Variants in ACVR1B observed in about 807,000 individuals in gnomAD.
The protein encoded by ACVR1B is activin receptor type-1B.
Under a neutral mutation model 55.6 loss-of-function variants are expected in ACVR1B, and 15 were observed. That is an observed-to-expected ratio of 0.27 (90% confidence interval 0.18 to 0.42). The LOEUF (loss-of-function observed/expected upper bound fraction) is 0.42. ACVR1B is among the 10% of genes least tolerant of loss of function. The pLI is 1.00. For synonymous variants in ACVR1B, 247 were observed against 254.6 expected (o/e 0.97, Z 0.28); for missense variants, 359 against 670.1 (o/e 0.54, Z 5.13).
Position 51,976,444 on chromosome 12 carries a change from A to G in ACVR1B, c.449A>G (p.Asn150Ser). Residue 150 changes from asparagine to serine, a missense_variant, in exon 3 of 9, where the codon AAC (asparagine) becomes AGC (serine). Asn to Ser is a conservative substitution (Grantham distance 46). Transcript: ENST00000257963. ...ATCATCATTGTTTTCCTTGTCATTA[A>G]CTATCATCAGCGTGTCTATCACAAC... ...LIIIIVFLVI[N>S]YHQRVYHNRQ... is the part of the protein sequence containing the mutation. 6.2e-7 allele frequency: 1 copy of G among 1,614,092 alleles called. No homozygotes were observed. Among genetic ancestry groups the G allele is most frequent in the Non-Finnish European group, 8.5e-7 (1 of 1,180,018 alleles).
At chr12:51,970,238 CAGAA>C (rs1157472513) in intron 1 of ACVR1B, among the ~76,000 whole-genome samples, 1 of 152,148 alleles carries the variant, frequency 6.6e-6, no homozygotes, top group East Asian at 1.9e-4. Flanking sequence ...CAAGTGTTGT[CAGAA>C]AGAGCGTGGT....
At chr12:51,965,250 C>T (rs1453311767) in intron 1 of ACVR1B, among the ~76,000 whole-genome samples, 1 of 151,968 alleles carries the variant, frequency 6.6e-6, no homozygotes, top group Non-Finnish European at 1.5e-5. Context: ...GGGCTCTCAA[C>T]CTCTACATTA....
intron 1 of ACVR1B, among the ~76,000 whole-genome samples, chr12:51,968,509 T>A (rs1184317996): frequency 1.3e-5 from 2 of 152,180 alleles, no homozygotes; most frequent in East Asian, 3.9e-4. Context: ...CCATCCCACA[T>A]GTTTTTCTTA....
chr12:51,955,923 C>T lies in ACVR1B; in HGVS notation c.91+4089C>T, dbSNP rs1464976462. Among the ~76,000 whole-genome samples, 4 of 152,212 alleles carry T rather than the reference C, an allele frequency of 2.6e-5. No individual in the cohort carries two copies. The East Asian group carries it at 7.7e-4, about 29-fold the overall frequency. On this transcript the variant is annotated intron_variant, in intron 1 of 8. Transcript: ENST00000257963. ...CTGCCTCATGGCCAGGTTCAGATAC[C>T]TGCTCTGAGTTTCTGTTCTCAGTTT...
chr12:51,993,765 T>TAAAAAAAAAAAAAAAAAA (rs869161100), intron 8 of ACVR1B, among the ~76,000 whole-genome samples: 2 of 29,768 alleles, frequency 6.7e-5, no homozygotes, highest in Non-Finnish European at 6.5e-5. Context: ...AGACTCCTTC[T>TAAAAAAAAAAAAAAAAAA]AAAAAAAAAA....
At chr12:51,993,853 C>T (rs567377483) in intron 8 of ACVR1B, 132 bp from the exon 9 acceptor site, 9 of 997,392 alleles carry the variant, frequency 9.0e-6, no homozygotes, top group Admixed American at 7.0e-5. Context: ...TCCCTAAGGT[C>T]GGCCGCCGGG....
intron 1 of ACVR1B, among the ~76,000 whole-genome samples, chr12:51,959,132 G>A (rs186006006): frequency 1.3e-3 from 200 of 152,266 alleles, no homozygotes; most frequent in African/African-American, 4.6e-3. Context: ...CCCATGTTTG[G>A]TGTACACACA....
intron 3 of ACVR1B, among the ~76,000 whole-genome samples, chr12:51,977,556 A>AT (rs1364336462): frequency 4.0e-5 from 6 of 149,380 alleles, no homozygotes; most frequent in Non-Finnish European, 7.4e-5. Context: ...CTCGTAAAGA[A>AT]TTTTTTTAAT....
chr12:51,960,262 A>G (rs1941493228), intron 1 of ACVR1B: 1 of 152,198 alleles, frequency 6.6e-6, no homozygotes, highest in Admixed American at 6.5e-5. Context: ...TCTACAAAAC[A>G]TTTTTAAAAA....
Position 51,967,100 on chromosome 12 carries a change from C to T in ACVR1B, c.92-8165C>T, listed in dbSNP as rs372142844. On this transcript the variant is annotated intron_variant, in intron 1 of 8. Coordinates refer to ENST00000257963, the MANE Select transcript of ACVR1B (RefSeq NM_004302.5). The stretch of plus-strand genomic sequence containing the variant: ...CTACAAATACAAAAAATTAGCCGGA[C>T]GTGGTGGCAGGCGCCTGTAGTCCCA... 8.6e-4 allele frequency among the ~76,000 whole-genome samples: 129 copies of T among 150,646 alleles called. 1 individual carries two copies. In the South Asian group the frequency reaches 0.026, roughly 31 times the overall value.
rs1941625360 is a variant in ACVR1B, at chr12:51,965,664, G to A, written c.92-9601G>A. Among the ~76,000 whole-genome samples the A allele has an allele frequency of 4.6e-5, 7 of 152,118 alleles. No individual in the cohort carries two copies. In the South Asian group the frequency reaches 1.5e-3, roughly 32 times the overall value. Reference sequence around the variant, plus strand: ...AGCGAGGTCCTTTCCTTATATGGATGGTATAGTTGGGCTAGGATAGGTATG... The same window carrying A: ...AGCGAGGTCCTTTCCTTATATGGATAGTATAGTTGGGCTAGGATAGGTATG... On this transcript the variant is annotated intron_variant, in intron 1 of 8. Transcript: ENST00000257963.
rs71092738 is a variant in ACVR1B, at chr12:51,990,312, C to CTTTTTTTTT, written c.1262-1537_1262-1529dup. Reference sequence around the variant, plus strand: ...CACACACACACACACAAATTTAGTGCTTTTTTTTTTTTTTTTTTTTTTGAG... The same window carrying CTTTTTTTTT: ...CACACACACACACACAAATTTAGTGCTTTTTTTTTTTTTTTTTTTTTTTTTTTTTTTGAG... On this transcript the variant is annotated intron_variant, in intron 7 of 8. Transcript: ENST00000257963. Among the ~76,000 whole-genome samples the CTTTTTTTTT allele has an allele frequency of 9.2e-4, 82 of 89,582 alleles. 4 individuals carry two copies. Among genetic ancestry groups the CTTTTTTTTT allele is most frequent in the Non-Finnish European group, 1.2e-3 (60 of 51,222 alleles). The allele number at this position is 89,582 out of a possible 152,430, so 58.8% of individuals were successfully genotyped here.
At chr12:51,954,462 G>A (rs1237545205) in intron 1 of ACVR1B, among the ~76,000 whole-genome samples, 3 of 152,166 alleles carry the variant, frequency 2.0e-5, no homozygotes, top group Admixed American at 6.5e-5. Flanking sequence ...TTTTGTGAGC[G>A]GACTAAAAAT....
At chr12:51,985,413 T>C (rs1942057210) in intron 6 of ACVR1B, 65 bp downstream of exon 6, 2 of 1,520,818 alleles carry the variant, frequency 1.3e-6, no homozygotes. Flanking sequence ...CTGTGCCGTT[T>C]CCCATATGCG....
At chr12:51,985,061 C>A in intron 5 of ACVR1B, 131 bp from the exon 6 acceptor site, 3 of 905,744 alleles carry the variant, frequency 3.3e-6, no homozygotes, top group Non-Finnish European at 4.8e-6. Context: ...GGGCTAAAGT[C>A]ACTTTTCCAG....
At chr12:51,971,987 C>G (rs1241704852) in intron 1 of ACVR1B, among the ~76,000 whole-genome samples, 1 of 152,142 alleles carries the variant, frequency 6.6e-6, no homozygotes, top group African/African-American at 2.4e-5. Context: ...TGAAACTTGC[C>G]ACTTCCTAAT....
intron 1 of ACVR1B, among the ~76,000 whole-genome samples, chr12:51,958,304 A>C (rs1941450415): frequency 6.6e-6 from 1 of 152,158 alleles, no homozygotes; most frequent in Non-Finnish European, 1.5e-5. Context: ...TCTTTTTGAC[A>C]TCAGGGACTG....
chr12:51,986,495 G>A (rs1297870701), intron 6 of ACVR1B, among the ~76,000 whole-genome samples: 2 of 152,162 alleles, frequency 1.3e-5, no homozygotes, highest in African/African-American at 4.8e-5. Flanking sequence ...CCTGCCCTCA[G>A]GTGATCCGCC....
chr12:51,965,541 T>C (rs1463275494), intron 1 of ACVR1B, among the ~76,000 whole-genome samples: 1 of 152,154 alleles, frequency 6.6e-6, no homozygotes, highest in East Asian at 1.9e-4. Flanking sequence ...AGGTTGGAGA[T>C]ATTAGAGTAC....
Sources: gnomAD v4.1 joint callset for allele counts (sites outside exome capture counted in the v4.1 genomes callset) on GRCh38, gnomAD v4.1.1 for gene constraint, MANE v1.5 for transcripts, NCBI Gene and HGNC (gene_info 2026-07-23, HGNC 2026-07-21) for gene names.